QTMAN: variants seen among roughly 807,000 people sequenced by gnomAD.
The protein encoded by QTMAN is tRNA-queuosine alpha-mannosyltransferase.
the QTMAN span, chr2:143,942,273 C>A: frequency 6.0e-6 from 1 of 167,038 alleles, no homozygotes; most frequent in East Asian, 1.9e-4. Context: ...CTGAAGAAAC[C>A]GATCGCAAAT....
chr2:144,317,122 A>C, the QTMAN span, among the ~76,000 whole-genome samples: 2 of 152,168 alleles, frequency 1.3e-5, no homozygotes, highest in African/African-American at 4.8e-5. Flanking sequence ...GTGTTCATCT[A>C]TGATCTTACT....
the QTMAN span, among the ~76,000 whole-genome samples, chr2:144,121,949 G>C: frequency 0.047 from 7,222 of 152,194 alleles, 560 homozygotes; most frequent in African/African-American, 0.16. Flanking sequence ...AGAGAGCCCA[G>C]TAGGTAAAAA....
chr2:144,114,626 T>C, the QTMAN span, among the ~76,000 whole-genome samples: 11 of 152,266 alleles, frequency 7.2e-5, no homozygotes, highest in African/African-American at 2.4e-4. Flanking sequence ...AATTTCCCTA[T>C]AAATACAAAA....
At chr2:143,983,468 G>GTT in the QTMAN span, among the ~76,000 whole-genome samples, 997 of 115,938 alleles carry the variant, frequency 8.6e-3, 5 homozygotes, top group Non-Finnish European at 0.011. Flanking sequence ...CATTTTTGAG[G>GTT]TTTTTTTTTT....
chr2:144,000,352 A>G, the QTMAN span, among the ~76,000 whole-genome samples: 2 of 152,018 alleles, frequency 1.3e-5, no homozygotes, highest in African/African-American at 2.4e-5. Context: ...TTTAAAGACA[A>G]AATTCTTTAA....
At chr2:144,042,200 AAACACAAAGGAC>A in the QTMAN span, among the ~76,000 whole-genome samples, 4 of 152,150 alleles carry the variant, frequency 2.6e-5, no homozygotes, top group Non-Finnish European at 5.9e-5. Context: ...CAGAGGGAAA[AAACACAAAGGAC>A]TAGGCTGCAT....
chr2:143,962,392 A>G, the QTMAN span, among the ~76,000 whole-genome samples: 1 of 152,118 alleles, frequency 6.6e-6, no homozygotes, highest in Non-Finnish European at 1.5e-5. Context: ...AATGGCAAAG[A>G]TAACTGGAAT....
the QTMAN span, among the ~76,000 whole-genome samples, chr2:143,961,521 C>T: frequency 1.3e-5 from 2 of 152,094 alleles, no homozygotes; most frequent in African/African-American, 4.8e-5. Flanking sequence ...AATTTATTTT[C>T]CTGTGTCTTT....
the QTMAN span, among the ~76,000 whole-genome samples, chr2:144,001,063 A>T: frequency 3.3e-5 from 5 of 151,988 alleles, no homozygotes; most frequent in Non-Finnish European, 7.4e-5. Flanking sequence ...AAGTTATTTC[A>T]GCAATGAGAA....
chr2:144,084,442 T>A, the QTMAN span, among the ~76,000 whole-genome samples: 1 of 152,224 alleles, frequency 6.6e-6, no homozygotes, highest in East Asian at 1.9e-4. Flanking sequence ...AAATAGACAC[T>A]TACCATGTAT....
At chr2:144,010,770 C>A in the QTMAN span, among the ~76,000 whole-genome samples, 1 of 151,944 alleles carries the variant, frequency 6.6e-6, no homozygotes, top group African/African-American at 2.4e-5. Flanking sequence ...CTATGAATAG[C>A]CTGGTTAAGT....
chr2:144,066,747 C>T, the QTMAN span, among the ~76,000 whole-genome samples: 2 of 152,296 alleles, frequency 1.3e-5, no homozygotes, highest in African/African-American at 2.4e-5. Context: ...ACCTGGGAGG[C>T]GGAAGTTGCA....
the QTMAN span, among the ~76,000 whole-genome samples, chr2:144,036,642 A>G: frequency 2.0e-5 from 3 of 152,204 alleles, no homozygotes; most frequent in Non-Finnish European, 4.4e-5. Context: ...GGTACCATAT[A>G]CATAACCCAT....
At chr2:144,126,612 AT>A in the QTMAN span, among the ~76,000 whole-genome samples, 1 of 151,960 alleles carries the variant, frequency 6.6e-6, no homozygotes, top group African/African-American at 2.4e-5. Context: ...ACACAAAATC[AT>A]TTTTTTCCCT....
the QTMAN span, among the ~76,000 whole-genome samples, chr2:144,027,323 T>C: frequency 6.6e-6 from 1 of 152,252 alleles, no homozygotes; most frequent in African/African-American, 2.4e-5. Context: ...CGGGTTTTAC[T>C]TGTATATCAT....
At chr2:144,256,479 G>A in the QTMAN span, among the ~76,000 whole-genome samples, 1 of 152,022 alleles carries the variant, frequency 6.6e-6, no homozygotes, top group Non-Finnish European at 1.5e-5. Context: ...AAAAATTCAT[G>A]CATAAAGACC....
the QTMAN span, chr2:143,938,351 G>C: frequency 1.4e-4 from 22 of 152,278 alleles, no homozygotes; most frequent in East Asian, 3.9e-3. Flanking sequence ...CACAGAAGGT[G>C]GAGGAGTGTT....
the QTMAN span, among the ~76,000 whole-genome samples, chr2:144,118,495 G>A: frequency 1.4e-4 from 21 of 151,844 alleles, no homozygotes; most frequent in Non-Finnish European, 1.2e-4. Flanking sequence ...TACCAGTTCC[G>A]GCTGTAAACA....
At chr2:144,095,499 C>T in the QTMAN span, among the ~76,000 whole-genome samples, 7 of 152,202 alleles carry the variant, frequency 4.6e-5, no homozygotes, top group Admixed American at 4.6e-4. Flanking sequence ...GAGTGCCTAG[C>T]ACCTGCCACA....
Sources: allele counts gnomAD v4.1 joint callset (sites outside exome capture counted in the v4.1 genomes callset), GRCh38; gene constraint gnomAD v4.1.1; transcripts MANE v1.5; gene names NCBI Gene and HGNC (gene_info 2026-07-23, HGNC 2026-07-21).